Variants in VPS37A observed in about 807,000 individuals in gnomAD.
VPS37A encodes vacuolar protein sorting-associated protein 37A.
VPS37A carries 30 observed loss-of-function variants against 49.8 expected under a neutral mutation model. That is an observed-to-expected ratio of 0.60 (90% confidence interval 0.45 to 0.82). VPS37A has a LOEUF of 0.82. Ranked by LOEUF, VPS37A falls within the 40% of genes least tolerant of loss-of-function variation. The pLI, the probability that VPS37A is intolerant of heterozygous loss-of-function variation, is 0.00. For missense variants in VPS37A, 593 were observed against 464.4 expected, an observed-to-expected ratio of 1.28 and a Z score of -2.55; for synonymous variants, 195 against 160.6, an observed-to-expected ratio of 1.21 and a Z score of -1.62.
chr8:17,251,249 T>C (rs1255858139), intron 1 of VPS37A, among the ~76,000 whole-genome samples: 2 of 152,174 alleles, frequency 1.3e-5, no homozygotes, highest in Non-Finnish European at 2.9e-5. Flanking sequence ...GCTGGGGAGC[T>C]GCTCAAAATG....
At chr8:17,322,180 C>G in the VPS37A span, among the ~76,000 whole-genome samples, 1 of 152,096 alleles carries the variant, frequency 6.6e-6, no homozygotes, top group African/African-American at 2.4e-5. Flanking sequence ...AAGCCAAGAT[C>G]CATAAGACAG....
At chr8:17,268,444 A>G (rs1813674951) in intron 3 of VPS37A, 72 bp downstream of exon 3, 1 of 1,154,154 alleles carries the variant, frequency 8.7e-7, no homozygotes, top group South Asian at 1.5e-5. Flanking sequence ...TATTTTAGAA[A>G]TCTGAAATGC....
In VPS37A at chr8:17,288,974, T is replaced by A. The variant is rs546804601; in HGVS notation, c.*2547T>A. On this transcript the variant is annotated intron_variant, in intron 11 of 11. Coordinates refer to ENST00000324849, the MANE Select transcript of VPS37A (RefSeq NM_152415.3). ...TTTGCATGTCTCTAGTGACCAGTGA[T>A]GATGAGCTTTTTTTCATGTTGGTTG... Among the ~76,000 whole-genome samples, 5 of 152,348 alleles carry A rather than the reference T, an allele frequency of 3.3e-5. No homozygotes were observed. In the East Asian group the frequency reaches 9.6e-4, roughly 29 times the overall value.
intron 11 of VPS37A, among the ~76,000 whole-genome samples, chr8:17,288,276 G>T (rs1815803687): frequency 6.6e-6 from 1 of 152,058 alleles, no homozygotes; most frequent in Non-Finnish European, 1.5e-5. Flanking sequence ...GAACGTACAG[G>T]TTTTTTACAT....
intron 2 of VPS37A, among the ~76,000 whole-genome samples, chr8:17,266,507 G>A (rs1813469212): frequency 6.6e-6 from 1 of 152,192 alleles, no homozygotes; most frequent in African/African-American, 2.4e-5. Flanking sequence ...GATTGCTGAA[G>A]TAGCAATTTA....
At chr8:17,282,745 GAC>G (rs149421072) in intron 9 of VPS37A, among the ~76,000 whole-genome samples, 10 of 149,912 alleles carry the variant, frequency 6.7e-5, no homozygotes, top group Non-Finnish European at 7.4e-5. Context: ...TTAAAAAAAA[GAC>G]ACACACACAC....
chr8:17,277,077 C>G (rs1002005969), intron 6 of VPS37A, among the ~76,000 whole-genome samples: 6 of 152,086 alleles, frequency 3.9e-5, no homozygotes, highest in Non-Finnish European at 7.4e-5. Flanking sequence ...ACTAATAAGA[C>G]TACTGAATGC....
At chr8:17,300,492 C>G (rs985412657), downstream of VPS37A, among the ~76,000 whole-genome samples, 1 of 152,134 alleles carries the variant, frequency 6.6e-6, no homozygotes, top group African/African-American at 2.4e-5. Context: ...CCAGTGAACC[C>G]TAGTCTCCCT....
downstream of VPS37A, chr8:17,302,435 A>C (rs751968233): frequency 3.9e-6 from 3 of 764,064 alleles, no homozygotes; most frequent in Non-Finnish European, 5.9e-6. Context: ...TAATAATTTC[A>C]TGTTGATGTT....
the VPS37A span, among the ~76,000 whole-genome samples, chr8:17,309,110 T>A: frequency 6.6e-6 from 1 of 152,240 alleles, no homozygotes; most frequent in Non-Finnish European, 1.5e-5. Flanking sequence ...AGGAATCAGT[T>A]ATAACTTCAT....
the VPS37A span, among the ~76,000 whole-genome samples, chr8:17,310,933 A>G: frequency 6.6e-6 from 1 of 152,182 alleles, no homozygotes; most frequent in Non-Finnish European, 1.5e-5. Context: ...CTGTAGTTGA[A>G]AGCAACGTTA....
chr8:17,306,713 G>A (rs983034220), downstream of VPS37A, among the ~76,000 whole-genome samples: 6 of 152,284 alleles, frequency 3.9e-5, no homozygotes, highest in South Asian at 1.2e-3. Flanking sequence ...GAAGAGGAAT[G>A]AGCAATGATC....
rs762239602 is a variant in VPS37A at position 17,280,130 on chromosome 8, A to G, written c.816A>G (p.Leu272=). 2.5e-6 allele frequency: 4 copies of G among 1,612,760 alleles called. No individual in the cohort carries two copies. Among genetic ancestry groups the G allele is most frequent in the Non-Finnish European group, 3.4e-6 (4 of 1,179,288 alleles). The change falls in exon 7 of 12, where the codon TTA becomes TTG. Residue 272 remains leucine, a synonymous_variant. Transcript: ENST00000324849. ...LKQIITDKDD[L]VKSIEELARK... is the part of the protein sequence containing the mutation. The stretch of plus-strand genomic sequence containing the variant: ...AAATTATTACCGACAAAGATGACTT[A>G]GTAAAAAGTATTGAGGAACTAGCAA...
rs529041885 is a variant in VPS37A, at chr8:17,296,219, G to A, written c.*1233G>A. The A allele has an allele frequency of 6.6e-6, 1 of 152,186 alleles. No homozygotes were observed. Among genetic ancestry groups the A allele is most frequent in the East Asian group, 1.9e-4 (1 of 5,184 alleles). 9.4% of individuals were successfully genotyped at this position (152,186 alleles called of 1,614,324 possible). A position where few individuals can be genotyped will look rare whatever the true frequency, so the allele number is the denominator to read the frequency against. Reference sequence around the variant, plus strand: ...TAGGAAGAACAAAATTATTTTGTTAGAATTAAAACATGCTTAATATTTAGT... The same window carrying A: ...TAGGAAGAACAAAATTATTTTGTTAAAATTAAAACATGCTTAATATTTAGT... On this transcript the variant is annotated 3_prime_UTR_variant, in exon 12 of 12. Transcript: ENST00000324849.
intron 1 of VPS37A, among the ~76,000 whole-genome samples, chr8:17,262,366 A>G (rs138475114): frequency 3.9e-5 from 6 of 152,322 alleles, no homozygotes; most frequent in South Asian, 2.1e-4. Flanking sequence ...TTGGGGGACT[A>G]TCAAAGAAAT....
chr8:17,272,170 C>G (rs1457550280), intron 4 of VPS37A: 1 of 439,604 alleles, frequency 2.3e-6, no homozygotes, highest in Non-Finnish European at 4.6e-6. Flanking sequence ...CCACCAGGCT[C>G]CTCCTAACAG....
At chr8:17,248,536 A>G (rs1811655265) in intron 1 of VPS37A, 2 of 346,830 alleles carry the variant, frequency 5.8e-6, no homozygotes, top group Admixed American at 7.7e-5. Flanking sequence ...TCGGCCTCCC[A>G]AAGTGCTGGG....
At chr8:17,289,476 C>A (rs1359226588) in intron 11 of VPS37A, among the ~76,000 whole-genome samples, 1 of 151,894 alleles carries the variant, frequency 6.6e-6, no homozygotes, top group Non-Finnish European at 1.5e-5. Flanking sequence ...TCCCCCATTG[C>A]TTTTGTCAGG....
chr8:17,281,389 C>T (rs1356301687), intron 9 of VPS37A, among the ~76,000 whole-genome samples: 3 of 151,986 alleles, frequency 2.0e-5, no homozygotes, highest in Non-Finnish European at 4.4e-5. Flanking sequence ...CTGTGAGACT[C>T]AACTGAAGTA....
Sources: allele counts gnomAD v4.1 joint callset (sites outside exome capture counted in the v4.1 genomes callset), GRCh38; gene constraint gnomAD v4.1.1; transcripts MANE v1.5; gene names NCBI Gene and HGNC (gene_info 2026-07-23, HGNC 2026-07-21).